Variants in PLXDC1 observed in about 807,000 individuals in gnomAD.
PLXDC1 encodes the protein plexin domain-containing protein 1.
Under a neutral mutation model 61.3 loss-of-function variants are expected in PLXDC1, and 39 were observed. The observed-to-expected ratio is 0.64, with a 90% CI of 0.49 to 0.83. The LOEUF (loss-of-function observed/expected upper bound fraction) is 0.83, where lower values mean the gene tolerates loss of function less well. Among genes scored for constraint, PLXDC1 ranks in the 40% least tolerant of loss-of-function variants. The pLI is 0.00. For synonymous variants in PLXDC1, 212 were observed against 254.5 expected (o/e 0.83, Z 1.59); for missense variants, 596 against 666.5 (o/e 0.89, Z 1.17).
chr17:39,134,666 A>G (rs528607342), intron 2 of PLXDC1, among the ~76,000 whole-genome samples: 2 of 152,046 alleles, frequency 1.3e-5, no homozygotes, highest in East Asian at 3.9e-4. Flanking sequence ...AGAAAAGAAA[A>G]GAAAGAAAGA....
chr17:39,130,952 A>G (rs1468988000), intron 2 of PLXDC1, among the ~76,000 whole-genome samples: 1 of 152,154 alleles, frequency 6.6e-6, no homozygotes, highest in Non-Finnish European at 1.5e-5. Context: ...ACCCTGCCCA[A>G]GGAGAAAGGA....
chr17:39,113,521 A>G (rs1295880936), intron 2 of PLXDC1, among the ~76,000 whole-genome samples: 1 of 152,136 alleles, frequency 6.6e-6, no homozygotes, highest in African/African-American at 2.4e-5. Context: ...CCCTTCCGCC[A>G]TTCCCTTCTC....
rs2045370835 is a variant in PLXDC1, at chr17:39,151,294, A to G, written c.76+68T>C. 2 of 1,167,434 alleles carry G rather than the reference A, an allele frequency of 1.7e-6. No homozygotes were observed. Among genetic ancestry groups the G allele is most frequent in the Admixed American group, 8.5e-5 (2 of 23,638 alleles). The allele number at this position is 1,167,434 out of a possible 1,614,324, so 72.3% of individuals were successfully genotyped here. A position where few individuals can be genotyped will look rare whatever the true frequency, so the allele number is the denominator to read the frequency against. On this transcript the variant is annotated intron_variant, in intron 1 of 13. Transcript: ENST00000315392. The surrounding 1 kb of genome is among the most constrained non-coding windows in gnomAD (Gnocchi z 5.2). ...ATCGCCAGGCCGTCCACACCTGCCC[A>G]TGCCCACACCTGACTGCCCGTCCCT...
chr17:39,084,824 A>G (rs1252225642), intron 8 of PLXDC1, among the ~76,000 whole-genome samples: 1 of 152,224 alleles, frequency 6.6e-6, no homozygotes, highest in Non-Finnish European at 1.5e-5. Flanking sequence ...GCAGCAGGGC[A>G]GGGGGCGCAG....
intron 2 of PLXDC1, among the ~76,000 whole-genome samples, chr17:39,138,216 G>A (rs1385315450): frequency 6.6e-6 from 1 of 152,180 alleles, no homozygotes; most frequent in African/African-American, 2.4e-5. Context: ...GATTACAGGT[G>A]TGGGCCACCA....
intron 2 of PLXDC1, among the ~76,000 whole-genome samples, chr17:39,123,667 C>A (rs1327738371): frequency 6.6e-6 from 1 of 152,184 alleles, no homozygotes; most frequent in Non-Finnish European, 1.5e-5. Flanking sequence ...CTCAAAGCAA[C>A]CCCCAGCTCC....
At chr17:39,106,606 CCCTGGCTCATCATGCTG>C (rs1052891782) in intron 6 of PLXDC1, among the ~76,000 whole-genome samples, 3 of 151,996 alleles carry the variant, frequency 2.0e-5, no homozygotes, top group African/African-American at 7.2e-5. Context: ...TGAGCCACCA[CCCTGGCTCATCATGCTG>C]CCTTCTTTTT....
intron 11 of PLXDC1, among the ~76,000 whole-genome samples, chr17:39,076,091 G>GA (rs113083788): frequency 4.4e-4 from 39 of 88,624 alleles, no homozygotes; most frequent in African/African-American, 7.6e-4. Context: ...AAAAAAAAAA[G>GA]AAAAAAAAAA....
intron 4 of PLXDC1, chr17:39,108,483 C>T: frequency 1.8e-6 from 1 of 563,156 alleles, no homozygotes; most frequent in Non-Finnish European, 3.2e-6. Context: ...GGCGAGGGGG[C>T]AGGAAGAGGA....
intron 2 of PLXDC1, among the ~76,000 whole-genome samples, chr17:39,116,336 C>T (rs748878986): frequency 3.3e-5 from 5 of 152,108 alleles, no homozygotes; most frequent in South Asian, 2.1e-4. Flanking sequence ...CATTCATCTC[C>T]GCCCCCAGCA....
intron 9 of PLXDC1, among the ~76,000 whole-genome samples, chr17:39,082,524 C>T (rs1909598831): frequency 4.1e-5 from 6 of 147,950 alleles, no homozygotes; most frequent in Admixed American, 1.4e-4. Flanking sequence ...AAGATCACAC[C>T]ATTGTACTCC....
chr17:39,107,607 C>A (rs762033840), intron 5 of PLXDC1, 82 bp from the exon 6 acceptor site: 7 of 1,024,030 alleles, frequency 6.8e-6, no homozygotes, highest in African/African-American at 1.6e-5. Flanking sequence ...CGGAGGGCAG[C>A]GGCCACAGGT....
chr17:39,094,121 G>A (rs1026911241), intron 7 of PLXDC1, among the ~76,000 whole-genome samples: 8 of 150,294 alleles, frequency 5.3e-5, no homozygotes, highest in Non-Finnish European at 1.5e-5. Flanking sequence ...GTGGCACCAA[G>A]GCCACCTGTG....
chr17:39,072,892 C>CT (rs1909182407), intron 11 of PLXDC1, among the ~76,000 whole-genome samples: 1 of 152,180 alleles, frequency 6.6e-6, no homozygotes, highest in South Asian at 2.1e-4. Flanking sequence ...ACCTCGAGGC[C>CT]TGTAGCCTGT....
intron 7 of PLXDC1, among the ~76,000 whole-genome samples, chr17:39,105,326 A>G (rs1421467047): frequency 1.3e-5 from 2 of 152,072 alleles, no homozygotes; most frequent in Non-Finnish European, 2.9e-5. Flanking sequence ...ACCTCCTAAA[A>G]TGTCAGCACT....
chr17:39,135,676 TAAAAAA>T (rs35762241), intron 2 of PLXDC1, among the ~76,000 whole-genome samples: 3 of 104,394 alleles, frequency 2.9e-5, no homozygotes, highest in Non-Finnish European at 4.0e-5. Context: ...ACACTCCGTC[TAAAAAA>T]AAAAAAAAAA....
intron 2 of PLXDC1, chr17:39,111,965 T>C (rs887641884): frequency 6.6e-6 from 1 of 152,234 alleles, no homozygotes; most frequent in Non-Finnish European, 1.5e-5. Flanking sequence ...AGCAGCTCCC[T>C]CTGTTTCTGC....
At chr17:39,118,084 C>CCCTT (rs56223337) in intron 2 of PLXDC1, among the ~76,000 whole-genome samples, 28,504 of 102,012 alleles carry the variant, frequency 0.28, 4,579 homozygotes, top group Admixed American at 0.37. Flanking sequence ...CTCCCTCCCT[C>CCCTT]CCTTCCTTCC....
chr17:39,119,625 A>G (rs1012425803), intron 2 of PLXDC1, among the ~76,000 whole-genome samples: 2 of 152,198 alleles, frequency 1.3e-5, no homozygotes, highest in African/African-American at 4.8e-5. Context: ...GTGCTCCCAT[A>G]GTCCGAGCTA....
Sources: gnomAD v4.1 joint callset for allele counts (sites outside exome capture counted in the v4.1 genomes callset) on GRCh38, gnomAD v4.1.1 for gene constraint, Gnocchi (gnomAD v3.1) non-coding constraint, MANE v1.5 for transcripts, NCBI Gene and HGNC (gene_info 2026-07-23, HGNC 2026-07-21) for gene names.